Variants in SPTAN1 observed in about 807,000 individuals in gnomAD.
SPTAN1 encodes spectrin alpha, non-erythrocytic 1.
A neutral mutation model predicts 331.3 loss-of-function variants in SPTAN1; 61 were observed. That is an observed-to-expected ratio of 0.18 (90% CI 0.15 to 0.23). The LOEUF is 0.23. Among genes scored for constraint, SPTAN1 ranks in the 10% least tolerant of loss-of-function variants. The pLI, the probability that SPTAN1 is intolerant of heterozygous loss-of-function variation, is 1.00. For missense variants in SPTAN1, 2,043 were observed against 3,147.9 expected (o/e 0.65, Z 8.40); for synonymous variants, 1,153 against 1,173.9 (o/e 0.98, Z 0.36).
chr9:128,633,531 G>C lies in SPTAN1; in HGVS notation c.*197G>C. ...CATGTCACTGTGGGGACCCAGATCT[G>C]TGTCTTGAAGCAGCTGCCCTCATTC... On this transcript the variant is annotated 3_prime_UTR_variant, in exon 57 of 57. Coordinates refer to ENST00000372739, the MANE Select transcript of SPTAN1 (RefSeq NM_001130438.3). 1.8e-6 allele frequency: 2 copies of C among 1,118,474 alleles called. No homozygotes were observed. The highest frequency in any genetic ancestry group is 2.6e-6 in the Non-Finnish European group (2 of 767,234). The allele number at this position is 1,118,474 out of a possible 1,614,324, so 69.3% of individuals were successfully genotyped here. A position where few individuals can be genotyped will look rare whatever the true frequency, so the allele number is the denominator to read the frequency against.
intron 34 of SPTAN1, 51 bp from the exon 35 acceptor site, chr9:128,608,823 C>A: frequency 6.4e-7 from 1 of 1,564,154 alleles, no homozygotes; most frequent in South Asian, 1.1e-5. Flanking sequence ...GCAGTCCAGG[C>A]AGGGCCCAGC....
At chr9:128,604,470 C>T (rs1427516337) in intron 29 of SPTAN1, 53 bp downstream of exon 29, 3 of 1,542,904 alleles carry the variant, frequency 1.9e-6, no homozygotes, top group Middle Eastern at 1.7e-4. Flanking sequence ...CTGCTGGTTT[C>T]CTGACAGCCC....
At chr9:128,563,221 G>C (rs1244476878) in intron 1 of SPTAN1, among the ~76,000 whole-genome samples, 4 of 151,620 alleles carry the variant, frequency 2.6e-5, no homozygotes, top group Non-Finnish European at 4.4e-5. Flanking sequence ...TTCGAGACTA[G>C]CCTGGGCAAC....
At chr9:128,607,757 A>G in intron 32 of SPTAN1, 54 bp downstream of exon 32, 3 of 1,609,912 alleles carry the variant, frequency 1.9e-6, no homozygotes, top group Non-Finnish European at 2.5e-6. Context: ...GCAGGGCCCT[A>G]GAGGCCTCAT....
Position 128,577,418 on chromosome 9 carries a change from C to G in SPTAN1, c.997C>G (p.Gln333Glu), listed in dbSNP as rs771890978. The change falls in exon 8 of 57, where the codon CAA becomes GAA. Residue 333 changes from glutamine to glutamate, a missense_variant. By Grantham distance (29) the Gln-to-Glu change is conservative. Around this residue, in one of 12 missense-constraint regions of SPTAN1, gnomAD observed 1,038 missense variants for 1,531.5 expected, o/e 0.68. Transcript: ENST00000372739. The surrounding 1 kb of genome is among the most constrained non-coding windows in gnomAD (Gnocchi z 4.2). ...QSHPLSATQI[Q>E]VKREELITNW... Reference sequence around the variant, plus strand: ...CCACCCTCTGAGTGCAACACAGATTCAAGTGAAGCGAGAGGAACTGATTAC... The same window carrying G: ...CCACCCTCTGAGTGCAACACAGATTGAAGTGAAGCGAGAGGAACTGATTAC... 5 of 1,614,224 alleles carry G rather than the reference C, an allele frequency of 3.1e-6. No homozygotes were observed. In the South Asian group the frequency reaches 4.4e-5, roughly 14 times the overall value.
intron 51 of SPTAN1, 198 bp downstream of exon 51, chr9:128,628,140 A>G: frequency 1.3e-6 from 1 of 777,626 alleles, no homozygotes; most frequent in Non-Finnish European, 2.3e-6. Context: ...TCCCCGATAG[A>G]GCCTTCAAGC....
At chr9:128,578,963 G>T (rs1320818391) in intron 9 of SPTAN1, among the ~76,000 whole-genome samples, 1 of 151,798 alleles carries the variant, frequency 6.6e-6, no homozygotes, top group Non-Finnish European at 1.5e-5. Flanking sequence ...CTACTTATTA[G>T]AGCAGAAAAT....
intron 44 of SPTAN1, 65 bp downstream of exon 44, chr9:128,619,068 C>T (rs1564300597): frequency 2.5e-6 from 4 of 1,609,732 alleles, no homozygotes; most frequent in South Asian, 1.1e-5. Flanking sequence ...GTCATCATTT[C>T]CCTGTTGGTT....
Position 128,582,770 on chromosome 9 carries a change from A to G in SPTAN1, c.1727A>G (p.Gln576Arg). The change falls in exon 14 of 57, where the codon CAG (glutamine) becomes CGG (arginine). Residue 576 changes from glutamine to arginine, a missense_variant. This residue lies in a region of SPTAN1 where 1,038 missense variants were observed against 1,531.5 expected (regional missense o/e 0.68). Coordinates refer to ENST00000372739, the MANE Select transcript of SPTAN1 (RefSeq NM_001130438.3). ...CAGCTAGCCGATTCTTTCCATCTGC[A>G]GCAGTTTTTCCGTGATTCTGATGAG... ...RAQLADSFHL[Q>R]QFFRDSDELK... 1 of 1,614,112 alleles carries G rather than the reference A, an allele frequency of 6.2e-7. No homozygotes were observed. Among genetic ancestry groups the G allele is most frequent in the Non-Finnish European group, 8.5e-7 (1 of 1,180,034 alleles).
intron 44 of SPTAN1, 132 bp downstream of exon 44, chr9:128,619,135 AG>A: frequency 7.3e-7 from 1 of 1,367,754 alleles, no homozygotes; most frequent in South Asian, 1.2e-5. Flanking sequence ...CCAAGGCCTC[AG>A]TAGTTGGTTT....
Position 128,627,757 on chromosome 9 carries a change from C to A in SPTAN1, c.6690-168C>A. 1.1e-6 allele frequency: 1 copy of A among 939,328 alleles called. No homozygotes were observed. Among genetic ancestry groups the A allele is most frequent in the Non-Finnish European group, 1.7e-6 (1 of 574,528 alleles). The allele number at this position is 939,328 out of a possible 1,614,324, so 58.2% of individuals were successfully genotyped here. ...AGTGGGACCATGCAGGGCGCGTGGT[C>A]AGCCCCAGCCATGACTTGGTGACAG... On this transcript the variant is annotated intron_variant, in intron 50 of 56. Coordinates refer to ENST00000372739, the MANE Select transcript of SPTAN1 (RefSeq NM_001130438.3). The surrounding 1 kb of genome is among the most constrained non-coding windows in gnomAD (Gnocchi z 4.9).
At position 128,624,323 on chromosome 9, in the gene SPTAN1, C is replaced by T. The variant is rs1326464989; in HGVS notation, c.5833-5C>T. ...GACCAGTGTGTGCCTCTCTCCATGG[C>T]CTAGAACAATCACCATGAGGAGAAC... On this transcript the variant is annotated splice_polypyrimidine_tract_variant and splice_region_variant and intron_variant, in intron 45 of 56. Transcript: ENST00000372739. 1.9e-6 allele frequency: 3 copies of T among 1,613,628 alleles called. No homozygotes were observed. The East Asian group carries it at 6.7e-5, about 36-fold the overall frequency.
At chr9:128,626,209 A>AG (rs1173898935) in intron 48 of SPTAN1, 182 bp from the exon 49 acceptor site, 1 of 950,204 alleles carries the variant, frequency 1.1e-6, no homozygotes, top group Non-Finnish European at 1.6e-6. Flanking sequence ...AAGGGTAGGA[A>AG]GGGGAAAAAA....
rs758521158 is a variant in SPTAN1 at position 128,566,968 on chromosome 9, C to G, written c.228C>G (p.Thr76=). 1 of 1,614,096 alleles carries G rather than the reference C, an allele frequency of 6.2e-7. No individual in the cohort carries two copies. The highest frequency in any genetic ancestry group is 8.5e-7 in the Non-Finnish European group (1 of 1,180,040). ...CTGATGAGAATTATAAAGACCCAAC[C>G]AACTTGCAGGTACGTCTGATCTCCT... ...IASDENYKDP[T]NLQGKLQKHQ... is the part of the protein sequence containing the mutation. Residue 76 remains threonine, a synonymous_variant, in exon 2 of 57, where the codon ACC becomes ACG. Coordinates refer to ENST00000372739, the MANE Select transcript of SPTAN1 (RefSeq NM_001130438.3).
intron 29 of SPTAN1, 104 bp downstream of exon 29, chr9:128,604,521 T>G: frequency 3.6e-6 from 4 of 1,101,344 alleles, no homozygotes; most frequent in Non-Finnish European, 5.3e-6. Flanking sequence ...CTGCTGGCTC[T>G]TACTGATGTT....
At chr9:128,572,196 G>T (rs552426805) in intron 3 of SPTAN1, among the ~76,000 whole-genome samples, 16 of 152,218 alleles carry the variant, frequency 1.1e-4, no homozygotes, top group African/African-American at 3.9e-4. Context: ...CTTCATTCCT[G>T]TCTTCTTTGC....
At chr9:128,599,764 A>C (rs1854835987) in intron 26 of SPTAN1, 1 of 291,894 alleles carries the variant, frequency 3.4e-6, no homozygotes, top group South Asian at 6.0e-5. Flanking sequence ...AGGTTCATTT[A>C]TTACCCCTTT....
chr9:128,577,041 G>C lies in SPTAN1; in HGVS notation c.785+85G>C. On this transcript the variant is annotated intron_variant, in intron 6 of 56. Transcript: ENST00000372739. This position sits in a 1 kb window ranked among gnomAD's most constrained non-coding sequence, Gnocchi z 4.2. The stretch of plus-strand genomic sequence containing the variant: ...ACAGGGCATGTGCTGGTGAGCTGTC[G>C]AGGCTGACTAGGCCTTGGTCCCATG... The C allele has an allele frequency of 1.2e-6, 2 of 1,613,858 alleles. No individual in the cohort carries two copies. Among genetic ancestry groups the C allele is most frequent in the Non-Finnish European group, 1.7e-6 (2 of 1,179,968 alleles).
chr9:128,632,500 C>A lies in SPTAN1; in HGVS notation c.7013+16C>A. The A allele has an allele frequency of 6.2e-7, 1 of 1,614,214 alleles. No homozygotes were observed. The highest frequency in any genetic ancestry group is 8.5e-7 in the Non-Finnish European group (1 of 1,180,034). On this transcript the variant is annotated intron_variant, in intron 54 of 56. Coordinates refer to ENST00000372739, the MANE Select transcript of SPTAN1 (RefSeq NM_001130438.3). ...TGATGTTTAAGTGAGTTCAGCCTTA[C>A]TCGCCCTGGCTGGGTGGGGGGTGTT...
Sources: gnomAD v4.1 joint callset for allele counts (sites outside exome capture counted in the v4.1 genomes callset) on GRCh38, gnomAD v4.1.1 for gene constraint, gnomAD v4.1.1 regional missense constraint, Gnocchi (gnomAD v3.1) non-coding constraint, MANE v1.5 for transcripts, NCBI Gene and HGNC (gene_info 2026-07-23, HGNC 2026-07-21) for gene names.